CYP3A5: variants seen among roughly 807,000 people sequenced by gnomAD.
CYP3A5 encodes cytochrome P450 3A5.
CYP3A5 carries 51 observed loss-of-function variants against 55.9 expected under a neutral mutation model. That is an observed-to-expected ratio of 0.91 (90% confidence interval 0.73 to 1.15). The LOEUF is 1.15. Ranked by LOEUF, CYP3A5 falls within the 50% of genes most tolerant of loss-of-function variation. The pLI is 0.00. For synonymous variants in CYP3A5, 196 were observed against 213.9 expected (o/e 0.92, Z 0.73); for missense variants, 533 against 596.6 (o/e 0.89, Z 1.11).
chr7:99,663,899 C>T, intron 8 of CYP3A5, 69 bp downstream of exon 8: 1 of 1,512,618 alleles, frequency 6.6e-7, no homozygotes. Flanking sequence ...GATACATGCT[C>T]TATCATGTGT....
intron 1 of CYP3A5, chr7:99,676,421 A>G: frequency 6.7e-7 from 1 of 1,487,086 alleles, no homozygotes; most frequent in Non-Finnish European, 9.0e-7. Flanking sequence ...ATTAGCTGAA[A>G]GCAGCTGAAG....
intron 6 of CYP3A5, among the ~76,000 whole-genome samples, chr7:99,665,991 G>A (rs943046597): frequency 6.6e-6 from 1 of 152,188 alleles, no homozygotes; most frequent in African/African-American, 2.4e-5. Context: ...CATGTCCCAA[G>A]TCTGAACAGG....
chr7:99,679,863 A>G lies in CYP3A5; in HGVS notation c.34T>C (p.Trp12Arg). The G allele has an allele frequency of 6.2e-7, 1 of 1,614,152 alleles. No individual in the cohort carries two copies. The highest frequency in any genetic ancestry group is 1.1e-5 in the South Asian group (1 of 91,086). ...DLIPNLAVET[W>R]LLLAVSLVLL... is the part of the protein sequence containing the mutation. ...ACCAGGCTGACAGCCAGGAGAAGCC[A>G]GGTTTCCACCGCCAAATTTGGGATG... Residue 12 changes from tryptophan (W) to arginine (R), a missense_variant, in exon 1 of 13, where the codon TGG becomes CGG. By Grantham distance (101) the Trp-to-Arg change is moderately radical (BLOSUM62 -3). Transcript: ENST00000222982.
intron 8 of CYP3A5, chr7:99,663,375 C>T: frequency 1.0e-6 from 1 of 991,490 alleles, no homozygotes; most frequent in Non-Finnish European, 1.2e-6. Flanking sequence ...AGCTGGGTTA[C>T]CTGGTCCTGT....
At chr7:99,676,076 C>T in intron 2 of CYP3A5, 39 bp downstream of exon 2, 1 of 1,572,660 alleles carries the variant, frequency 6.4e-7, no homozygotes, top group Non-Finnish European at 8.7e-7. Context: ...CTGATGTTTG[C>T]AACCATAAGA....
intron 1 of CYP3A5, among the ~76,000 whole-genome samples, chr7:99,677,730 C>CCAAA (rs1438226027): frequency 1.3e-5 from 2 of 152,226 alleles, no homozygotes; most frequent in African/African-American, 4.8e-5. Flanking sequence ...GCACCACCTG[C>CCAAA]CAAAGCCAGG....
intron 2 of CYP3A5, among the ~76,000 whole-genome samples, chr7:99,675,410 CAGAT>C (rs1290058131): frequency 6.6e-6 from 1 of 151,936 alleles, no homozygotes; most frequent in Non-Finnish European, 1.5e-5. Flanking sequence ...GTAGAATTCT[CAGAT>C]AGTAATCAGA....
intron 7 of CYP3A5, among the ~76,000 whole-genome samples, chr7:99,664,774 A>G (rs1467687866): frequency 6.6e-6 from 1 of 152,240 alleles, no homozygotes; most frequent in Non-Finnish European, 1.5e-5. Flanking sequence ...ACACTAAAAG[A>G]AGAAGAGCAA....
chr7:99,672,286 G>A (rs1361335502), intron 4 of CYP3A5, among the ~76,000 whole-genome samples: 1 of 152,056 alleles, frequency 6.6e-6, no homozygotes, highest in Non-Finnish European at 1.5e-5. Flanking sequence ...TCCTGACCTC[G>A]TGATCCACCT....
At chr7:99,656,067 T>A (rs1250067252) in intron 10 of CYP3A5, among the ~76,000 whole-genome samples, 1 of 152,158 alleles carries the variant, frequency 6.6e-6, no homozygotes, top group Non-Finnish European at 1.5e-5. Context: ...TGAATACCCT[T>A]TATTTCTTTC....
rs41303949 is a variant in CYP3A5, at chr7:99,651,597, C to T, written c.1253+956G>A. On this transcript the variant is annotated intron_variant, in intron 11 of 12. Transcript: ENST00000222982. Reference sequence around the variant, plus strand: ...CATGCTAGCACTAGGGACACCATGACCAACAAGACAAGGTTCCTCCCATCA... The same window carrying T: ...CATGCTAGCACTAGGGACACCATGATCAACAAGACAAGGTTCCTCCCATCA... Among the ~76,000 whole-genome samples, 868 of 152,298 alleles carry T rather than the reference C, an allele frequency of 5.7e-3. 5 individuals are homozygous for T. Among genetic ancestry groups the T allele is most frequent in the Non-Finnish European group, 9.6e-3 (652 of 68,014 alleles).
intron 8 of CYP3A5, chr7:99,663,192 G>T (rs73713581): frequency 7.2e-6 from 8 of 1,109,174 alleles, no homozygotes; most frequent in Middle Eastern, 4.2e-4. Context: ...TCCATCTCTG[G>T]TCATAACTGC....
intron 10 of CYP3A5, among the ~76,000 whole-genome samples, chr7:99,655,940 A>G (rs1809680197): frequency 6.6e-6 from 1 of 152,216 alleles, no homozygotes; most frequent in Admixed American, 6.5e-5. Context: ...GTATCCTGAT[A>G]CTTTGCTGAA....
chr7:99,654,431 A>G (rs1048163586), intron 10 of CYP3A5, among the ~76,000 whole-genome samples: 8 of 152,226 alleles, frequency 5.3e-5, no homozygotes, highest in African/African-American at 1.7e-4. Context: ...TTATGGCTGC[A>G]TAGCATTCCA....
chr7:99,655,146 C>G (rs371801360), intron 10 of CYP3A5, among the ~76,000 whole-genome samples: 3 of 152,298 alleles, frequency 2.0e-5, no homozygotes, highest in African/African-American at 7.2e-5. Context: ...GACATGAAGT[C>G]CTTGCCCATG....
intron 1 of CYP3A5, 112 bp from the exon 2 acceptor site, chr7:99,676,320 A>G (rs769171213): frequency 1.3e-6 from 2 of 1,570,094 alleles, no homozygotes. Flanking sequence ...TATGTACACG[A>G]TAAATAATAA....
intron 1 of CYP3A5, chr7:99,677,065 A>G: frequency 2.0e-6 from 1 of 505,074 alleles, no homozygotes; most frequent in South Asian, 8.5e-5. Flanking sequence ...GAAAGCAGTC[A>G]GTTCACTGCC....
At position 99,652,625 on chromosome 7, in the gene CYP3A5, A is replaced by G; in HGVS notation, c.1181T>C (p.Val394Ala). The G allele has an allele frequency of 1.9e-6, 3 of 1,614,078 alleles. No individual in the cohort carries two copies. The highest frequency in any genetic ancestry group is 2.5e-6 in the Non-Finnish European group (3 of 1,179,980). The part of the protein sequence containing the change: ...NGVFIPKGSM[V>A]VIPTYALHHD... ...GTGAAGAGCATAAGTTGGAATCACC[A>G]CCATTGACCCTTTGGGAATGAATAC... Residue 394 changes from valine (V) to alanine (A), a missense_variant, in exon 11 of 13, where the codon GTG (valine) becomes GCG (alanine). By Grantham distance (64) the Val-to-Ala change is moderately conservative. Coordinates refer to ENST00000222982, the MANE Select transcript of CYP3A5 (RefSeq NM_000777.5).
At chr7:99,665,823 G>A (rs147338460) in intron 6 of CYP3A5, among the ~76,000 whole-genome samples, 1 of 152,252 alleles carries the variant, frequency 6.6e-6, no homozygotes, top group African/African-American at 2.4e-5. Flanking sequence ...TACACTCCCT[G>A]CTAATGCTCT....
Sources: allele counts gnomAD v4.1 joint callset (sites outside exome capture counted in the v4.1 genomes callset), GRCh38; gene constraint gnomAD v4.1.1; transcripts MANE v1.5; gene names NCBI Gene and HGNC (gene_info 2026-07-23, HGNC 2026-07-21).